The following RGS7 variants were observed in gnomAD, a reference collection of about 807,000 sequenced individuals.
RGS7 encodes regulator of G protein signaling 7.
In RGS7, 27 loss-of-function variants were observed where a neutral mutation model predicts 81.1. The ratio of observed to expected loss-of-function variants is 0.33; its 90% CI spans 0.25 to 0.46. RGS7 has a LOEUF of 0.46. RGS7 is among the 20% of genes least tolerant of loss of function. RGS7 has a pLI of 1.00. For missense variants in RGS7, 396 were observed against 607.4 expected, an observed-to-expected ratio of 0.65 and a Z score of 3.66; for synonymous variants, 208 against 207.7, an observed-to-expected ratio of 1.00 and a Z score of -0.01.
chr1:241,047,662 A>G (rs1336698597), intron 3 of RGS7, among the ~76,000 whole-genome samples: 2 of 151,568 alleles, frequency 1.3e-5, no homozygotes, highest in Admixed American at 1.3e-4. Context: ...TAAACACGAT[A>G]CACTTGAATA....
chr1:241,016,817 C>G (rs1322817938), intron 3 of RGS7, among the ~76,000 whole-genome samples: 2 of 152,066 alleles, frequency 1.3e-5, no homozygotes, highest in Non-Finnish European at 2.9e-5. Flanking sequence ...TTATACTATT[C>G]ACATTTAAAT....
downstream of RGS7, among the ~76,000 whole-genome samples, chr1:240,775,298 T>G (rs181608611): frequency 4.6e-5 from 7 of 152,352 alleles, no homozygotes; most frequent in African/African-American, 1.4e-4. Flanking sequence ...TCAATTTGTG[T>G]TGTTCTTCCA....
At position 241,037,746 on chromosome 1, in the gene RGS7, G is replaced by GA. The variant is rs529998131; in HGVS notation, c.176-54618dup. On this transcript the variant is annotated intron_variant, in intron 3 of 18. Coordinates refer to ENST00000440928, the MANE Select transcript of RGS7 (RefSeq NM_001364886.1). ...AAAAAAAAAAAAAAAAGTGGATACA[G>GA]AAAATGTGGTATATGTACACCGTGG... 9.3e-3 allele frequency among the ~76,000 whole-genome samples: 1,371 copies of GA among 148,186 alleles called. 26 individuals are homozygous for GA. Among genetic ancestry groups the GA allele is most frequent in the African/African-American group, 0.033 (1,331 of 40,558 alleles).
At chr1:241,210,736 T>C (rs2147922484) in intron 2 of RGS7, among the ~76,000 whole-genome samples, 1 of 152,286 alleles carries the variant, frequency 6.6e-6, no homozygotes, top group South Asian at 2.1e-4. Context: ...AAAGCAAAGC[T>C]TTCTAGTGGG....
At chr1:241,123,769 G>C (rs916429919) in intron 2 of RGS7, among the ~76,000 whole-genome samples, 1 of 152,048 alleles carries the variant, frequency 6.6e-6, no homozygotes, top group African/African-American at 2.4e-5. Context: ...GAAAAGAAAA[G>C]AGAACATGGC....
intron 2 of RGS7, among the ~76,000 whole-genome samples, chr1:241,270,760 C>T (rs4660052): frequency 0.5 from 74,988 of 148,608 alleles, 20,145 homozygotes; most frequent in East Asian, 0.69. Flanking sequence ...AACCCCCCCC[C>T]CTTTTTTTTT....
intron 2 of RGS7, among the ~76,000 whole-genome samples, chr1:241,107,444 T>C (rs186181028): frequency 2.5e-4 from 38 of 152,278 alleles, no homozygotes; most frequent in African/African-American, 9.1e-4. Context: ...GGCTGAAAGG[T>C]GCCATAAATA....
At chr1:241,124,507 G>A (rs2103010485) in intron 2 of RGS7, among the ~76,000 whole-genome samples, 1 of 152,354 alleles carries the variant, frequency 6.6e-6, no homozygotes. Context: ...TTTGAGGATA[G>A]CCCTATTCCC....
At chr1:241,138,595 C>T (rs1433510281) in intron 2 of RGS7, among the ~76,000 whole-genome samples, 2 of 152,198 alleles carry the variant, frequency 1.3e-5, no homozygotes, top group African/African-American at 4.8e-5. Context: ...GCCATGGATA[C>T]TTAAGAGTTT....
At chr1:241,129,484 C>T (rs1235988760) in intron 2 of RGS7, among the ~76,000 whole-genome samples, 1 of 152,164 alleles carries the variant, frequency 6.6e-6, no homozygotes, top group Non-Finnish European at 1.5e-5. Context: ...GCAAAAATAG[C>T]GTCAACCTCT....
chr1:241,236,234 C>T (rs1236176946), intron 2 of RGS7, among the ~76,000 whole-genome samples: 1 of 149,354 alleles, frequency 6.7e-6, no homozygotes, highest in East Asian at 2.0e-4. Flanking sequence ...TGAGTACATA[C>T]ATGTAAGCAC....
chr1:241,227,785 G>A (rs2075406798), intron 2 of RGS7, among the ~76,000 whole-genome samples: 1 of 148,234 alleles, frequency 6.7e-6, no homozygotes, highest in Non-Finnish European at 1.5e-5. Context: ...ACAAACAGAA[G>A]TGAAGGTACC....
At chr1:240,774,938 G>A (rs1682763516), downstream of RGS7, among the ~76,000 whole-genome samples, 1 of 152,164 alleles carries the variant, frequency 6.6e-6, no homozygotes, top group Admixed American at 6.5e-5. Flanking sequence ...ATCTAGAGAT[G>A]ACTTAGTATG....
intron 18 of RGS7, among the ~76,000 whole-genome samples, chr1:240,793,611 A>ATATATATTTTTTTTTTTTTTTTTTTT: frequency 1.3e-5 from 1 of 78,872 alleles, no homozygotes; most frequent in African/African-American, 9.7e-5. Context: ...ATATATATAT[A>ATATATATTTTTTTTTTTTTTTTTTTT]TTTTTTTTTT....
At chr1:240,802,785 G>T (rs533920304) in intron 16 of RGS7, 119 bp downstream of exon 16, 3 of 774,804 alleles carry the variant, frequency 3.9e-6, no homozygotes, top group East Asian at 2.4e-5. Context: ...TTGGGGGAGG[G>T]TCTTGGAGTA....
intron 9 of RGS7, among the ~76,000 whole-genome samples, chr1:240,839,432 A>C (rs762719521): frequency 6.6e-6 from 1 of 152,222 alleles, no homozygotes; most frequent in Admixed American, 6.5e-5. Flanking sequence ...TGAAGATATG[A>C]GAGGTAAGAA....
intron 2 of RGS7, among the ~76,000 whole-genome samples, chr1:241,214,058 C>A (rs1212873948): frequency 6.6e-6 from 1 of 152,176 alleles, no homozygotes; most frequent in Non-Finnish European, 1.5e-5. Flanking sequence ...AGCCACCATG[C>A]CCAGCAAGAA....
intron 3 of RGS7, among the ~76,000 whole-genome samples, chr1:241,069,111 T>C (rs2062273009): frequency 6.6e-6 from 1 of 152,210 alleles, no homozygotes; most frequent in African/African-American, 2.4e-5. Context: ...ATTAAATCTC[T>C]TTTCTTTACA....
intron 4 of RGS7, among the ~76,000 whole-genome samples, chr1:240,951,293 AC>A (rs1476122474): frequency 6.6e-6 from 1 of 152,186 alleles, no homozygotes; most frequent in African/African-American, 2.4e-5. Context: ...AGGCAAAACA[AC>A]AATGAGAACC....
Sources: gnomAD v4.1 joint callset for allele counts (sites outside exome capture counted in the v4.1 genomes callset) on GRCh38, gnomAD v4.1.1 for gene constraint, MANE v1.5 for transcripts, NCBI Gene and HGNC (gene_info 2026-07-23, HGNC 2026-07-21) for gene names.